Variants in CEP83 observed in about 807,000 individuals in gnomAD.
CEP83 encodes the protein centrosomal protein 83, also known as centrosomal protein of 83 kDa.
CEP83 carries 70 observed loss-of-function variants against 101.9 expected under a neutral mutation model. The ratio of observed to expected loss-of-function variants is 0.69; its 90% CI spans 0.57 to 0.84. The LOEUF (loss-of-function observed/expected upper bound fraction) is 0.84. Ranked by LOEUF, CEP83 falls within the 40% of genes least tolerant of loss-of-function variation. The probability of loss-of-function intolerance (pLI) is 0.00; values close to 1 mark genes in which losing one functional copy is unlikely to be tolerated. For synonymous variants in CEP83, 264 were observed against 267.9 expected (o/e 0.99, Z 0.14); for missense variants, 715 against 787.2 (o/e 0.91, Z 1.10).
At chr12:94,324,519 C>G (rs770374780) in intron 14 of CEP83, among the ~76,000 whole-genome samples, 1 of 152,074 alleles carries the variant, frequency 6.6e-6, no homozygotes, top group Admixed American at 6.6e-5. Context: ...TGGCTCTAAT[C>G]TCATCTCATC....
chr12:94,402,607 T>C (rs142905074), intron 5 of CEP83, among the ~76,000 whole-genome samples: 1 of 152,052 alleles, frequency 6.6e-6, no homozygotes, highest in African/African-American at 2.4e-5. Context: ...GCAAAAGAGA[T>C]GTGCCAATTA....
In CEP83 at chr12:94,412,405, G is replaced by A. The variant is rs773227361; in HGVS notation, c.86C>T (p.Ser29Leu). ...ATCAATTAACATTTTCTGGAACTCC[G>A]ACTGAGAACCTGTCAATCCACTGTC... ...GGDSGLTGSQSEFQKMLIDER... is the reference protein window; with the variant it reads ...GGDSGLTGSQLEFQKMLIDER... The change falls in exon 3 of 17, where the codon TCG becomes TTG. Residue 29 changes from serine (S) to leucine (L), a missense_variant. Ser to Leu is a moderately radical substitution (Grantham distance 145). Coordinates refer to ENST00000397809, the MANE Select transcript of CEP83 (RefSeq NM_016122.3). 1.7e-5 allele frequency: 28 copies of A among 1,612,196 alleles called. No homozygotes were observed. The highest frequency in any genetic ancestry group is 2.2e-5 in the Non-Finnish European group (26 of 1,179,004).
intron 14 of CEP83, among the ~76,000 whole-genome samples, chr12:94,316,395 T>A (rs997514605): frequency 8.5e-5 from 13 of 152,162 alleles, no homozygotes; most frequent in Non-Finnish European, 4.4e-5. Context: ...GCATGCACAG[T>A]GACATCTGTG....
chr12:94,349,316 T>G (rs929837294), intron 11 of CEP83, among the ~76,000 whole-genome samples: 2 of 151,416 alleles, frequency 1.3e-5, no homozygotes, highest in Non-Finnish European at 2.9e-5. Context: ...AAAAAGTTTG[T>G]AGAATCCCGA....
chr12:94,310,373 C>T (rs757156025), intron 15 of CEP83, among the ~76,000 whole-genome samples: 12 of 151,782 alleles, frequency 7.9e-5, no homozygotes, highest in Non-Finnish European at 1.6e-4. Flanking sequence ...TACTTTGGTA[C>T]TCACTCCTAC....
At position 94,310,654 on chromosome 12, in the gene CEP83, G is replaced by A. The variant is rs531761709; in HGVS notation, c.1812-547C>T. 1.1e-4 allele frequency among the ~76,000 whole-genome samples: 16 copies of A among 152,140 alleles called. No individual in the cohort carries two copies. In the South Asian group the frequency reaches 1.2e-3, roughly 12 times the overall value. On this transcript the variant is annotated intron_variant, in intron 15 of 16. Coordinates refer to ENST00000397809, the MANE Select transcript of CEP83 (RefSeq NM_016122.3). ...CTATATTTTCTATCCATGTTTGCCC[G>A]AATAAAAATCTGTATATAAGTAGAC...
chr12:94,458,342 A>G (rs909598983), intron 1 of CEP83, among the ~76,000 whole-genome samples: 9 of 152,198 alleles, frequency 5.9e-5, no homozygotes, highest in African/African-American at 2.2e-4. Context: ...GAAAGAAAAC[A>G]CTCAAAGTAA....
At chr12:94,393,743 A>G (rs1371376544) in intron 6 of CEP83, among the ~76,000 whole-genome samples, 1 of 152,210 alleles carries the variant, frequency 6.6e-6, no homozygotes, top group Non-Finnish European at 1.5e-5. Context: ...TCAGCCCCAA[A>G]TCTCCTTAAG....
chr12:94,440,705 A>T (rs1306413302), intron 1 of CEP83, among the ~76,000 whole-genome samples: 5 of 152,176 alleles, frequency 3.3e-5, no homozygotes, highest in African/African-American at 1.2e-4. Flanking sequence ...ATTCATATGA[A>T]ACCAAAAAAG....
intron 1 of CEP83, among the ~76,000 whole-genome samples, chr12:94,456,406 G>T (rs1283701461): frequency 6.6e-6 from 1 of 152,156 alleles, no homozygotes; most frequent in African/African-American, 2.4e-5. Flanking sequence ...TTACAAAAGT[G>T]GGGGAAAGTA....
At chr12:94,327,919 T>C (rs1411501736) in intron 14 of CEP83, among the ~76,000 whole-genome samples, 1 of 152,192 alleles carries the variant, frequency 6.6e-6, no homozygotes, top group African/African-American at 2.4e-5. Flanking sequence ...AGTGGGATTA[T>C]TTAGGTGTTT....
At chr12:94,316,330 T>G (rs144264204) in intron 14 of CEP83, among the ~76,000 whole-genome samples, 4 of 152,306 alleles carry the variant, frequency 2.6e-5, no homozygotes, top group African/African-American at 9.6e-5. Flanking sequence ...ACTTCGTACT[T>G]AGAAATTTTA....
At chr12:94,328,996 T>C (rs1470049484) in intron 14 of CEP83, among the ~76,000 whole-genome samples, 1 of 152,214 alleles carries the variant, frequency 6.6e-6, no homozygotes, top group Non-Finnish European at 1.5e-5. Context: ...TTACACATGA[T>C]GTTTTTCTAT....
the CEP83 span, among the ~76,000 whole-genome samples, chr12:94,296,107 T>A: frequency 6.6e-6 from 1 of 152,178 alleles, no homozygotes; most frequent in Non-Finnish European, 1.5e-5. Flanking sequence ...ACCTGTACTT[T>A]CTTTTCCTCT....
chr12:94,407,300 C>T (rs913184319), intron 4 of CEP83, among the ~76,000 whole-genome samples: 1 of 152,022 alleles, frequency 6.6e-6, no homozygotes, highest in Admixed American at 6.6e-5. Flanking sequence ...CCAAGCACTA[C>T]AGATATAAAA....
At chr12:94,406,512 C>T (rs1204015847) in intron 4 of CEP83, among the ~76,000 whole-genome samples, 1 of 151,866 alleles carries the variant, frequency 6.6e-6, no homozygotes. Context: ...GGGGGATAAA[C>T]TTAAAACAGG....
chr12:94,277,708 A>G, the CEP83 span: 2 of 343,532 alleles, frequency 5.8e-6, no homozygotes, highest in South Asian at 2.2e-5. Context: ...TAGCTGTCCA[A>G]TGTGGGCTGA....
intron 8 of CEP83, among the ~76,000 whole-genome samples, chr12:94,370,942 C>A (rs2061274395): frequency 6.6e-6 from 1 of 151,690 alleles, no homozygotes; most frequent in South Asian, 2.1e-4. Context: ...TATGATTGTG[C>A]CAATGTATTC....
At position 94,459,719 on chromosome 12, in the gene CEP83, G is replaced by A. The variant is rs73372223; in HGVS notation, c.-317C>T. ...CTAAGGGTTACGGTCCTACAGCGGG[G>A]TGTCGGCCCAGCGAGAGGAAGAGGG... On this transcript the variant is annotated 5_prime_UTR_variant, in exon 1 of 17. Coordinates refer to ENST00000397809, the MANE Select transcript of CEP83 (RefSeq NM_016122.3). 11,638 of 152,550 alleles carry A rather than the reference G, an allele frequency of 0.076. 537 individuals are homozygous for A. Among genetic ancestry groups the A allele is most frequent in the African/African-American group, 0.12 (4,858 of 41,566 alleles). 9.4% of individuals were successfully genotyped at this position (152,550 alleles called of 1,614,324 possible). A position where few individuals can be genotyped will look rare whatever the true frequency, so the allele number is the denominator to read the frequency against.
Sources: gnomAD v4.1 joint callset for allele counts (sites outside exome capture counted in the v4.1 genomes callset) on GRCh38, gnomAD v4.1.1 for gene constraint, MANE v1.5 for transcripts, NCBI Gene and HGNC (gene_info 2026-07-23, HGNC 2026-07-21) for gene names.